The following IMPA1 variants were observed in gnomAD, a reference collection of about 807,000 sequenced individuals.
The protein encoded by IMPA1 is inositol monophosphatase 1, also known as D-galactose 1-phosphate phosphatase.
IMPA1 carries 21 observed loss-of-function variants against 34.9 expected under a neutral mutation model. The ratio of observed to expected loss-of-function variants is 0.60; its 90% confidence interval spans 0.43 to 0.87. The LOEUF is 0.87. IMPA1 is among the 40% of genes least tolerant of loss of function. The pLI is 0.00. For synonymous variants in IMPA1, 95 were observed against 104.4 expected (o/e 0.91, Z 0.55); for missense variants, 299 against 336.4 (o/e 0.89, Z 0.87).
chr8:81,666,869 CAAAAAAA>C (rs33975606), intron 7 of IMPA1, among the ~76,000 whole-genome samples: 2 of 39,340 alleles, frequency 5.1e-5, no homozygotes, highest in East Asian at 7.2e-4. Context: ...GACTCTGTCT[CAAAAAAA>C]AAAAAAAAAA....
At chr8:81,676,973 G>A (rs1304457721) in intron 4 of IMPA1, among the ~76,000 whole-genome samples, 7 of 152,070 alleles carry the variant, frequency 4.6e-5, no homozygotes, top group Admixed American at 2.6e-4. Context: ...CAGCCTGGGT[G>A]ACAGAGATGC....
rs773830760 is a variant in IMPA1, at chr8:81,659,295, G to C, written c.*56C>G. On this transcript the variant is annotated 3_prime_UTR_variant, in exon 9 of 9. Transcript: ENST00000256108. ...CATACATCCAAAACACATATCCATT[G>C]ATGAGTCACCAAATCTGGGGAAAAG... 47 of 925,496 alleles carry C rather than the reference G, an allele frequency of 5.1e-5. No individual in the cohort carries two copies. The highest frequency in any genetic ancestry group is 9.0e-6 in the Non-Finnish European group (5 of 552,776). The allele number at this position is 925,496 out of a possible 1,614,324, so 57.3% of individuals were successfully genotyped here. A position where few individuals can be genotyped will look rare whatever the true frequency, so the allele number is the denominator to read the frequency against.
At chr8:81,678,684 C>A in intron 4 of IMPA1, 1 of 175,710 alleles carries the variant, frequency 5.7e-6, no homozygotes, top group Admixed American at 6.3e-5. Context: ...AAGAGGGAAA[C>A]TCCATCTTAA....
intron 4 of IMPA1, 112 bp downstream of exon 4, chr8:81,679,014 G>A: frequency 1.6e-6 from 1 of 641,248 alleles, no homozygotes; most frequent in South Asian, 2.0e-5. Context: ...GAATAAAGAA[G>A]CATAAACGAA....
Position 81,677,097 on chromosome 8 carries a change from A to AT in IMPA1, c.303-819dup, listed in dbSNP as rs201175205. On this transcript the variant is annotated intron_variant, in intron 4 of 8. Transcript: ENST00000256108. The stretch of plus-strand genomic sequence containing the variant: ...TGGTTAAAAAGCATATATTTTAGTG[A>AT]TTTTTTTTTTTTTTGGAGACGAAGT... Among the ~76,000 whole-genome samples the AT allele has an allele frequency of 5.7e-3, 826 of 145,886 alleles. 8 individuals are homozygous for AT. The highest frequency in any genetic ancestry group is 0.017 in the African/African-American group (663 of 40,098).
intron 2 of IMPA1, among the ~76,000 whole-genome samples, chr8:81,681,221 C>G (rs1320034135): frequency 6.6e-6 from 1 of 152,026 alleles, no homozygotes; most frequent in Non-Finnish European, 1.5e-5. Flanking sequence ...CATCTCCACA[C>G]AAAAATTTAA....
intron 1 of IMPA1, among the ~76,000 whole-genome samples, chr8:81,685,231 A>ATTTAGATACTATATATACTATACATAAG (rs1176290415): frequency 7.2e-5 from 9 of 124,706 alleles, no homozygotes; most frequent in Non-Finnish European, 1.1e-4. Context: ...ACATAAGTAT[A>ATTTAGATACTATATATACTATACATAAG]TTTAGATACT....
At chr8:81,681,436 A>G in intron 2 of IMPA1, 62 bp downstream of exon 2, 1 of 920,598 alleles carries the variant, frequency 1.1e-6, no homozygotes, top group East Asian at 2.5e-5. Context: ...ACAAGGCAAC[A>G]ACACAGTATA....
At chr8:81,662,501 A>G (rs908918250) in intron 7 of IMPA1, among the ~76,000 whole-genome samples, 1 of 152,188 alleles carries the variant, frequency 6.6e-6, no homozygotes, top group Non-Finnish European at 1.5e-5. Context: ...TTACTTAACT[A>G]CCAGATAATT....
intron 1 of IMPA1, among the ~76,000 whole-genome samples, chr8:81,685,070 A>ATAC (rs1491128153): frequency 7.5e-6 from 1 of 133,756 alleles, no homozygotes; most frequent in South Asian, 2.3e-4. Context: ...GTATATTTAG[A>ATAC]TATATATACT....
intron 7 of IMPA1, among the ~76,000 whole-genome samples, chr8:81,663,658 ATAT>A (rs1285278990): frequency 6.6e-6 from 1 of 152,334 alleles, no homozygotes; most frequent in African/African-American, 2.4e-5. Flanking sequence ...GGTGGTGAAA[ATAT>A]TATGTTGTTA....
chr8:81,686,235 G>T lies in IMPA1; in HGVS notation c.-25+17C>A. 9.8e-7 allele frequency: 1 copy of T among 1,020,318 alleles called. No homozygotes were observed. Among genetic ancestry groups the T allele is most frequent in the Non-Finnish European group, 1.2e-6 (1 of 846,470 alleles). 63.2% of individuals were successfully genotyped at this position (1,020,318 alleles called of 1,614,324 possible). On this transcript the variant is annotated intron_variant, in intron 1 of 8. Coordinates refer to ENST00000256108, the MANE Select transcript of IMPA1 (RefSeq NM_005536.4). The stretch of plus-strand genomic sequence containing the variant: ...CGCTGAACCCGGAGGGTGCGGTGAG[G>T]AAAATAACGGTCTCACCTTGAGTCG...
Position 81,673,960 on chromosome 8 carries a change from A to C in IMPA1, c.349-11T>G, listed in dbSNP as rs1451222456. The C allele has an allele frequency of 1.3e-6, 2 of 1,549,404 alleles. No homozygotes were observed. Among genetic ancestry groups the C allele is most frequent in the Non-Finnish European group, 8.9e-7 (1 of 1,124,440 alleles). On this transcript the variant is annotated splice_polypyrimidine_tract_variant and intron_variant, in intron 5 of 8. Transcript: ENST00000256108. ...AACTCCAAATTCTATCTGCAGAGGAAAACAAGTTTCCTTTACCAAACCTAA... is the reference window on the plus strand; with the variant it reads ...AACTCCAAATTCTATCTGCAGAGGACAACAAGTTTCCTTTACCAAACCTAA...
At chr8:81,684,599 A>ACTAATGTG (rs1563592580) in intron 1 of IMPA1, among the ~76,000 whole-genome samples, 53 of 107,840 alleles carry the variant, frequency 4.9e-4, no homozygotes, top group Non-Finnish European at 6.1e-4. Flanking sequence ...ATCTTTAGAT[A>ACTAATGTG]TATATATCTA....
In IMPA1 at chr8:81,685,084, A is replaced by T. The variant is rs1045150110; in HGVS notation, c.-25+1168T>A. Among the ~76,000 whole-genome samples the T allele has an allele frequency of 4.5e-5, 6 of 134,102 alleles. No homozygotes were observed. The Admixed American group carries it at 4.7e-4, about 10-fold the overall frequency. The allele number at this position is 134,102 out of a possible 152,430, so 88.0% of individuals were successfully genotyped here. A position where few individuals can be genotyped will look rare whatever the true frequency, so the allele number is the denominator to read the frequency against. On this transcript the variant is annotated intron_variant, in intron 1 of 8. Coordinates refer to ENST00000256108, the MANE Select transcript of IMPA1 (RefSeq NM_005536.4). ...AGTATATTTAGATATATATACTATA[A>T]ATAAGTATATTTAGATACTATATAT...
chr8:81,666,441 A>G (rs1019264154), intron 7 of IMPA1, among the ~76,000 whole-genome samples: 19 of 152,220 alleles, frequency 1.2e-4, no homozygotes, highest in African/African-American at 4.6e-4. Context: ...CCTATCTGTT[A>G]AAAGAAAAAG....
Position 81,679,208 on chromosome 8 carries a change from C to T in IMPA1, c.220G>A (p.Ala74Thr). The T allele has an allele frequency of 5.0e-6, 8 of 1,613,630 alleles. No individual in the cohort carries two copies. The highest frequency in any genetic ancestry group is 6.8e-6 in the Non-Finnish European group (8 of 1,179,588). The change falls in exon 4 of 9, where the codon GCA (alanine) becomes ACA (threonine). Residue 74 changes from alanine to threonine, a missense_variant. Coordinates refer to ENST00000256108, the MANE Select transcript of IMPA1 (RefSeq NM_005536.4). ...GTTAAGATACTTTTTTCCCCAGCTG[C>T]CACAGATTCTTCACCAATGAAACTA... ...SHSFIGEESVAAGEKSILTDN... is the reference protein window; with the variant it reads ...SHSFIGEESVTAGEKSILTDN...
rs1055046932 is a variant in IMPA1 at position 81,686,296 on chromosome 8, G to C, written c.-69C>G. On this transcript the variant is annotated 5_prime_UTR_variant, in exon 1 of 9. Transcript: ENST00000256108. ...GGCTAGCTCTGTGAACGGTGTTACC[G>C]CACTCGTCTCTTCCGGAGGTAGAGG... 3 of 989,958 alleles carry C rather than the reference G, an allele frequency of 3.0e-6. No homozygotes were observed. The highest frequency in any genetic ancestry group is 1.1e-4 in the East Asian group (1 of 9,022). 61.3% of individuals were successfully genotyped at this position (989,958 alleles called of 1,614,324 possible).
rs1020495284 is a variant in IMPA1 at position 81,657,359 on chromosome 8, G to A, written c.*1992C>T. On this transcript the variant is annotated 3_prime_UTR_variant, in exon 9 of 9. Coordinates refer to ENST00000256108, the MANE Select transcript of IMPA1 (RefSeq NM_005536.4). Reference sequence around the variant, plus strand: ...CCCAGCACTTTAGAAGGCTGAGGCAGGAGGATCACTTGAGCCCAATGAGAC... The same window carrying A: ...CCCAGCACTTTAGAAGGCTGAGGCAAGAGGATCACTTGAGCCCAATGAGAC... Among the ~76,000 whole-genome samples, 7 of 151,744 alleles carry A rather than the reference G, an allele frequency of 4.6e-5. No homozygotes were observed. The highest frequency in any genetic ancestry group is 7.3e-5 in the African/African-American group (3 of 41,310).
Sources: gnomAD v4.1 joint callset for allele counts (sites outside exome capture counted in the v4.1 genomes callset) on GRCh38, gnomAD v4.1.1 for gene constraint, MANE v1.5 for transcripts, NCBI Gene and HGNC (gene_info 2026-07-23, HGNC 2026-07-21) for gene names.